FGF14: variants seen among roughly 807,000 people sequenced by gnomAD.
FGF14 encodes fibroblast growth factor 14, also known as fibroblast growth factor homologous factor 4.
A neutral mutation model predicts 25.5 loss-of-function variants in FGF14; 5 were observed. The ratio of observed to expected loss-of-function variants is 0.20; its 90% CI spans 0.10 to 0.41. FGF14 has a LOEUF of 0.41. Ranked by LOEUF, FGF14 falls within the 10% of genes least tolerant of loss-of-function variation. The pLI, the probability that FGF14 is intolerant of heterozygous loss-of-function variation, is 1.00. For missense variants in FGF14, 222 were observed against 320.1 expected (o/e 0.69, Z 2.34); for synonymous variants, 138 against 118.3 (o/e 1.17, Z -1.08).
At chr13:102,228,480 A>C (rs573356088) in intron 1 of FGF14, among the ~76,000 whole-genome samples, 1 of 152,312 alleles carries the variant, frequency 6.6e-6, no homozygotes, top group East Asian at 1.9e-4. Context: ...TGCCTAATGA[A>C]TACTTAATAT....
At chr13:101,817,437 A>C (rs140475628) in intron 3 of FGF14, among the ~76,000 whole-genome samples, 2 of 152,190 alleles carry the variant, frequency 1.3e-5, no homozygotes, top group African/African-American at 2.4e-5. Flanking sequence ...CTTATCTTCA[A>C]ATTTAAAAAA....
intron 1 of FGF14, among the ~76,000 whole-genome samples, chr13:101,984,000 C>T (rs1213181202): frequency 6.6e-6 from 1 of 152,130 alleles, no homozygotes; most frequent in Non-Finnish European, 1.5e-5. Flanking sequence ...AATTCAAAAT[C>T]CAGGTTTTCC....
intron 3 of FGF14, among the ~76,000 whole-genome samples, chr13:101,784,792 A>G (rs1180102283): frequency 6.6e-6 from 1 of 152,168 alleles, no homozygotes; most frequent in Non-Finnish European, 1.5e-5. Flanking sequence ...AAGACAATAG[A>G]CATACACTGT....
At chr13:101,998,315 T>C (rs551354106) in intron 1 of FGF14, among the ~76,000 whole-genome samples, 2 of 152,252 alleles carry the variant, frequency 1.3e-5, no homozygotes, top group African/African-American at 4.8e-5. Context: ...ATTTCCTCTT[T>C]AAATGTTTTC....
chr13:101,805,787 T>C (rs952216744), intron 3 of FGF14, among the ~76,000 whole-genome samples: 1 of 152,112 alleles, frequency 6.6e-6, no homozygotes, highest in African/African-American at 2.4e-5. Flanking sequence ...GCTGTTACTA[T>C]GTATGATGCC....
At chr13:102,313,518 A>G (rs1472464896) in intron 1 of FGF14, among the ~76,000 whole-genome samples, 12 of 152,114 alleles carry the variant, frequency 7.9e-5, no homozygotes, top group Admixed American at 7.9e-4. Flanking sequence ...GAGAAAGTGA[A>G]AGTCAAAATT....
intron 1 of FGF14, among the ~76,000 whole-genome samples, chr13:102,138,026 T>G (rs2046487068): frequency 6.7e-6 from 1 of 148,782 alleles, no homozygotes; most frequent in Non-Finnish European, 1.5e-5. Flanking sequence ...GAAATCCCAG[T>G]CCTAGGCTGA....
chr13:101,846,432 T>G (rs1236145515), intron 3 of FGF14, among the ~76,000 whole-genome samples: 1 of 152,106 alleles, frequency 6.6e-6, no homozygotes, highest in Non-Finnish European at 1.5e-5. Context: ...TTACATAAAC[T>G]GACTCTCTGG....
intron 1 of FGF14, among the ~76,000 whole-genome samples, chr13:102,141,279 T>C (rs1304966323): frequency 6.6e-6 from 1 of 152,190 alleles, no homozygotes; most frequent in Non-Finnish European, 1.5e-5. Flanking sequence ...ACAGAACTGG[T>C]TGTACACCCA....
chr13:102,284,214 T>C (rs1039889956), intron 1 of FGF14, among the ~76,000 whole-genome samples: 1 of 152,170 alleles, frequency 6.6e-6, no homozygotes, highest in Non-Finnish European at 1.5e-5. Context: ...TCAGATGGCA[T>C]AGCCAGAATG....
chr13:101,881,847 T>A (rs374107171), intron 1 of FGF14, among the ~76,000 whole-genome samples: 2 of 152,206 alleles, frequency 1.3e-5, no homozygotes, highest in South Asian at 4.1e-4. Context: ...CTTGTTAATA[T>A]GTCAATGACA....
chr13:101,798,091 G>C (rs186942339), intron 3 of FGF14, among the ~76,000 whole-genome samples: 2 of 152,058 alleles, frequency 1.3e-5, no homozygotes, highest in Non-Finnish European at 2.9e-5. Flanking sequence ...AAATGACTCT[G>C]TTTTTTTGTA....
chr13:102,099,391 T>C (rs1012637211), intron 1 of FGF14, among the ~76,000 whole-genome samples: 1 of 152,206 alleles, frequency 6.6e-6, no homozygotes, highest in Admixed American at 6.5e-5. Flanking sequence ...TGCATCCCAC[T>C]TTCTAAAATC....
chr13:101,867,873 G>C (rs2140442024), intron 3 of FGF14, among the ~76,000 whole-genome samples: 1 of 148,634 alleles, frequency 6.7e-6, no homozygotes, highest in South Asian at 2.1e-4. Flanking sequence ...GCCCCCTGGA[G>C]AATGTTTCTG....
At chr13:101,983,674 A>G (rs2139627096) in intron 1 of FGF14, among the ~76,000 whole-genome samples, 1 of 152,244 alleles carries the variant, frequency 6.6e-6, no homozygotes, top group East Asian at 1.9e-4. Flanking sequence ...TGAAGAACCT[A>G]CCCTCATATT....
chr13:102,013,149 T>G (rs149059065), intron 1 of FGF14, among the ~76,000 whole-genome samples: 2 of 151,940 alleles, frequency 1.3e-5, no homozygotes, highest in African/African-American at 4.8e-5. Flanking sequence ...AGCAGAACCC[T>G]GTCACACACA....
At chr13:101,780,671 A>G (rs1354572462) in intron 3 of FGF14, among the ~76,000 whole-genome samples, 2 of 151,904 alleles carry the variant, frequency 1.3e-5, no homozygotes, top group Non-Finnish European at 2.9e-5. Flanking sequence ...ATTTTTCTTT[A>G]AGAAACCCTT....
intron 1 of FGF14, among the ~76,000 whole-genome samples, chr13:101,984,865 T>A (rs1354649608): frequency 6.6e-6 from 1 of 152,152 alleles, no homozygotes; most frequent in Non-Finnish European, 1.5e-5. Context: ...GGTAGCATTA[T>A]AGAATCTGGA....
At position 101,726,619 on chromosome 13, in the gene FGF14, T is replaced by C. The variant is rs752527745; in HGVS notation, c.600A>G (p.Pro200=). The change falls in exon 4 of 5, where the codon CCA becomes CCG. Residue 200 remains proline, a synonymous_variant. Transcript: ENST00000376143. Reference sequence around the variant, plus strand: ...TGCATGCATAATACTCACCTTCCAATGGCTTGGGTAGAAAATGAGCTGCTG... The same window carrying C: ...TGCATGCATAATACTCACCTTCCAACGGCTTGGGTAGAAAATGAGCTGCTG... ...TKPAAHFLPK[P]LEVAMYREPS... The C allele has an allele frequency of 2.5e-6, 4 of 1,613,222 alleles. No individual in the cohort carries two copies. The South Asian group carries it at 3.3e-5, about 13-fold the overall frequency.
Sources: allele counts gnomAD v4.1 joint callset (sites outside exome capture counted in the v4.1 genomes callset), GRCh38; gene constraint gnomAD v4.1.1; transcripts MANE v1.5; gene names NCBI Gene and HGNC (gene_info 2026-07-23, HGNC 2026-07-21).